Variants in PUM1 observed in about 807,000 individuals in gnomAD.
PUM1 encodes pumilio homolog 1.
A neutral mutation model predicts 131.8 loss-of-function variants in PUM1; 13 were observed. That is an observed-to-expected ratio of 0.10 (90% CI 0.06 to 0.16). The LOEUF (loss-of-function observed/expected upper bound fraction) is 0.16, where lower values mean the gene tolerates loss of function less well. Ranked by LOEUF, PUM1 falls within the 10% of genes least tolerant of loss-of-function variation. The probability of loss-of-function intolerance (pLI) is 1.00; values close to 1 mark genes in which losing one functional copy is unlikely to be tolerated. For synonymous variants in PUM1, 509 were observed against 556.5 expected, an observed-to-expected ratio of 0.91 and a Z score of 1.20; for missense variants, 961 against 1,512.4, an observed-to-expected ratio of 0.64 and a Z score of 6.05.
intron 14 of PUM1, among the ~76,000 whole-genome samples, chr1:30,963,523 CTT>C (rs1435975369): frequency 5.3e-5 from 8 of 152,222 alleles, no homozygotes; most frequent in African/African-American, 1.9e-4. Flanking sequence ...AAACTCGCCT[CTT>C]TCAAACTCAA....
intron 2 of PUM1, among the ~76,000 whole-genome samples, chr1:31,038,984 A>ATATATATATATATATATATT: frequency 6.1e-4 from 30 of 49,398 alleles, no homozygotes; most frequent in Non-Finnish European, 7.6e-4. Flanking sequence ...ATATATATAT[A>ATATATATATATATATATATT]TTTTTTTTTT....
intron 2 of PUM1, among the ~76,000 whole-genome samples, chr1:31,037,895 G>C (rs1436780077): frequency 1.3e-5 from 2 of 151,364 alleles, no homozygotes; most frequent in East Asian, 3.9e-4. Flanking sequence ...GGCTAACACG[G>C]TGAAACCCCG....
intron 7 of PUM1, among the ~76,000 whole-genome samples, chr1:30,986,327 C>T (rs1420171598): frequency 1.3e-5 from 2 of 151,972 alleles, no homozygotes; most frequent in African/African-American, 2.4e-5. Flanking sequence ...AAAATCCCTT[C>T]GAAACAGTAA....
chr1:30,958,919 T>G (rs1235168693), intron 14 of PUM1, among the ~76,000 whole-genome samples: 1 of 152,186 alleles, frequency 6.6e-6, no homozygotes, highest in African/African-American at 2.4e-5. Context: ...TATGTACACA[T>G]TCATGGGTAT....
chr1:30,953,909 C>T lies in PUM1; in HGVS notation c.2396G>A (p.Ser799Asn). The change falls in exon 15 of 22, where the codon AGC becomes AAC. Residue 799 changes from serine (S) to asparagine (N), a missense_variant. Around this residue, in one of 4 missense-constraint regions of PUM1, gnomAD observed 117 missense variants for 200.7 expected, o/e 0.58. Transcript: ENST00000426105. ...PGAEAKYRSA[S>N]SASSLFSPSS... ...CGGGCTGAAGAGGCTGGAGGCGCTG[C>T]TTGCACTGCGGTACTTGGCTTCAGC... 6.2e-7 allele frequency: 1 copy of T among 1,614,240 alleles called. No homozygotes were observed. The highest frequency in any genetic ancestry group is 8.5e-7 in the Non-Finnish European group (1 of 1,180,044).
intron 17 of PUM1, among the ~76,000 whole-genome samples, chr1:30,948,963 A>G (rs1557548959): frequency 6.6e-6 from 1 of 152,124 alleles, no homozygotes; most frequent in Non-Finnish European, 1.5e-5. Flanking sequence ...TCTATCTCCA[A>G]CATTCCTTTC....
chr1:30,985,983 G>A (rs944849064), intron 7 of PUM1, among the ~76,000 whole-genome samples: 1 of 151,798 alleles, frequency 6.6e-6, no homozygotes, highest in African/African-American at 2.4e-5. Context: ...GAGACAGAGT[G>A]AGACTCTGTC....
At chr1:31,041,833 CT>C (rs1281867852) in intron 2 of PUM1, among the ~76,000 whole-genome samples, 3 of 151,874 alleles carry the variant, frequency 2.0e-5, no homozygotes, top group African/African-American at 7.3e-5. Flanking sequence ...TCCTATATTC[CT>C]TTATAGCAAC....
At chr1:31,054,816 T>C (rs978942795) in intron 2 of PUM1, among the ~76,000 whole-genome samples, 1 of 152,202 alleles carries the variant, frequency 6.6e-6, no homozygotes, top group Non-Finnish European at 1.5e-5. Context: ...AGCAAAATTA[T>C]GGCAAAACAA....
intron 5 of PUM1, among the ~76,000 whole-genome samples, chr1:30,999,989 T>C (rs1248532884): frequency 6.6e-6 from 1 of 152,220 alleles, no homozygotes; most frequent in Non-Finnish European, 1.5e-5. Context: ...AGTGGTTCTA[T>C]GATTAGGGTT....
At chr1:30,997,706 T>C (rs916321803) in intron 5 of PUM1, among the ~76,000 whole-genome samples, 7 of 152,046 alleles carry the variant, frequency 4.6e-5, no homozygotes, top group Non-Finnish European at 8.8e-5. Flanking sequence ...TCTTTTGTGG[T>C]GGTGGTGGTG....
At chr1:31,024,192 C>G (rs1040082349) in intron 3 of PUM1, among the ~76,000 whole-genome samples, 2 of 152,046 alleles carry the variant, frequency 1.3e-5, no homozygotes. Flanking sequence ...ATGTTTGAAC[C>G]TAGGCTCTAA....
intron 5 of PUM1, among the ~76,000 whole-genome samples, chr1:31,000,337 C>A (rs964061404): frequency 1.3e-5 from 2 of 152,128 alleles, no homozygotes; most frequent in Non-Finnish European, 2.9e-5. Context: ...TGCTCAAATA[C>A]AAACTTCAGT....
At chr1:30,981,273 C>T (rs906281928) in intron 8 of PUM1, 39 bp downstream of exon 8, 1 of 1,331,800 alleles carries the variant, frequency 7.5e-7, no homozygotes, top group Admixed American at 2.2e-5. Context: ...AAATGGCGGC[C>T]ACACCTATCA....
intron 3 of PUM1, among the ~76,000 whole-genome samples, chr1:31,015,577 G>A (rs894695355): frequency 4.6e-5 from 7 of 151,874 alleles, no homozygotes; most frequent in East Asian, 3.9e-4. Flanking sequence ...TCCTGATCTC[G>A]TGATCTGCCC....
chr1:30,945,306 A>G, intron 18 of PUM1, 40 bp downstream of exon 18: 1 of 1,605,624 alleles, frequency 6.2e-7, no homozygotes, highest in Non-Finnish European at 8.5e-7. Context: ...TCACAAAGGA[A>G]ATAAATTTGT....
At chr1:30,934,237 T>A (rs1445398070) in intron 21 of PUM1, among the ~76,000 whole-genome samples, 2 of 152,236 alleles carry the variant, frequency 1.3e-5, no homozygotes, top group Non-Finnish European at 2.9e-5. Flanking sequence ...GGGAGCATTC[T>A]ACATACCTCA....
intron 7 of PUM1, among the ~76,000 whole-genome samples, chr1:30,983,196 G>A (rs1300038527): frequency 6.6e-6 from 1 of 152,198 alleles, no homozygotes; most frequent in Non-Finnish European, 1.5e-5. Context: ...TCCAACAGGA[G>A]GCAGTCCACC....
rs5773334 is a variant in PUM1, at chr1:31,031,885, CCT to C, written c.364-3023_364-3022del. Among the ~76,000 whole-genome samples, 653 of 149,820 alleles carry C rather than the reference CCT, an allele frequency of 4.4e-3. 9 individuals are homozygous for C. The East Asian group carries it at 0.059, about 13-fold the overall frequency. ...ACTCTCGCTCCCTGCCTCCCCTGGCCCTCTCTCTCTCTCTCTCTCTCTGGTTT... is the reference window on the plus strand; with the variant it reads ...ACTCTCGCTCCCTGCCTCCCCTGGCCCTCTCTCTCTCTCTCTCTCTGGTTT... On this transcript the variant is annotated intron_variant, in intron 2 of 21. Transcript: ENST00000426105.
Sources: gnomAD v4.1 joint callset for allele counts (sites outside exome capture counted in the v4.1 genomes callset) on GRCh38, gnomAD v4.1.1 for gene constraint, gnomAD v4.1.1 regional missense constraint, MANE v1.5 for transcripts, NCBI Gene and HGNC (gene_info 2026-07-23, HGNC 2026-07-21) for gene names.